Variants in PCDH7 observed in about 807,000 individuals in gnomAD.
PCDH7 encodes the protein protocadherin-7.
A neutral mutation model predicts 58.9 loss-of-function variants in PCDH7; 17 were observed. That is an observed-to-expected ratio of 0.29 (90% CI 0.20 to 0.43). The LOEUF is 0.43. Among genes scored for constraint, PCDH7 ranks in the 20% least tolerant of loss-of-function variants. The pLI is 1.00. For missense variants in PCDH7, 1,274 were observed against 1,441.0 expected (o/e 0.88, Z 1.88); for synonymous variants, 664 against 616.4 (o/e 1.08, Z -1.14).
At chr4:30,724,476 C>A in exon 1 of PCDH7, 1 of 1,614,116 alleles carries the variant, frequency 6.2e-7, no homozygotes, top group Non-Finnish European at 8.5e-7. Context: ...GAAAAAAACA[C>A]CAGGCCGTAC....
At chr4:31,081,569 A>C (rs1199112265) in intron 3 of PCDH7, among the ~76,000 whole-genome samples, 1 of 152,138 alleles carries the variant, frequency 6.6e-6, no homozygotes, top group Non-Finnish European at 1.5e-5. Context: ...TGTGTCTTTC[A>C]ATATTGCAAC....
At chr4:30,826,499 C>A (rs532977860) in intron 1 of PCDH7, among the ~76,000 whole-genome samples, 1 of 152,108 alleles carries the variant, frequency 6.6e-6, no homozygotes, top group East Asian at 1.9e-4. Context: ...AACTTATTCC[C>A]AGCATGCTCC....
At chr4:30,881,406 G>A (rs1037069822) in intron 1 of PCDH7, among the ~76,000 whole-genome samples, 2 of 152,008 alleles carry the variant, frequency 1.3e-5, no homozygotes, top group Non-Finnish European at 2.9e-5. Flanking sequence ...CTACAAGAAG[G>A]GAGGATGCTG....
At chr4:30,983,855 C>T (rs1386351105) in intron 3 of PCDH7, among the ~76,000 whole-genome samples, 1 of 152,136 alleles carries the variant, frequency 6.6e-6, no homozygotes, top group Admixed American at 6.5e-5. Flanking sequence ...CTAATAATAG[C>T]ATTGTAAGAG....
chr4:31,039,604 G>A (rs1390867412), intron 3 of PCDH7, among the ~76,000 whole-genome samples: 1 of 152,108 alleles, frequency 6.6e-6, no homozygotes, highest in Non-Finnish European at 1.5e-5. Context: ...ACAGTGCCCA[G>A]TCATAGCTCC....
chr4:30,793,006 T>A (rs1057203689), intron 1 of PCDH7, among the ~76,000 whole-genome samples: 1 of 152,220 alleles, frequency 6.6e-6, no homozygotes, highest in Non-Finnish European at 1.5e-5. Context: ...GTTAAAGTTA[T>A]GTAATTGATA....
At chr4:31,010,096 C>T (rs1033123128) in intron 3 of PCDH7, among the ~76,000 whole-genome samples, 3 of 151,920 alleles carry the variant, frequency 2.0e-5, no homozygotes, top group African/African-American at 4.8e-5. Context: ...ACTTGGAATA[C>T]TGTCCTTCTT....
intron 1 of PCDH7, among the ~76,000 whole-genome samples, chr4:30,882,477 T>C (rs1275267734): frequency 6.6e-6 from 1 of 152,070 alleles, no homozygotes; most frequent in East Asian, 1.9e-4. Context: ...CAGGCAGGTC[T>C]CCAGCTCCTG....
intron 1 of PCDH7, among the ~76,000 whole-genome samples, chr4:30,758,731 T>A (rs1404589559): frequency 6.6e-6 from 1 of 152,202 alleles, no homozygotes; most frequent in Non-Finnish European, 1.5e-5. Flanking sequence ...AGTATTGCAC[T>A]AAATTAACTA....
Position 30,723,087 on chromosome 4 carries a change from C to T in PCDH7, c.1665C>T (p.Ala555=). Residue 555 remains alanine (A), a synonymous_variant, in exon 1 of 2, where the codon GCC becomes GCT. Coordinates refer to ENST00000361762, the Ensembl canonical transcript of PCDH7. The surrounding 1 kb of genome is among the most constrained non-coding windows in gnomAD (Gnocchi z 4.6). The stretch of plus-strand genomic sequence containing the variant: ...ACAACATCCCGGGCGAGAGGGTGGC[C>T]ACGGTGCTGGCGACAGACGCAGACA... 1 of 1,613,872 alleles carries T rather than the reference C, an allele frequency of 6.2e-7. No homozygotes were observed. Among genetic ancestry groups the T allele is most frequent in the Non-Finnish European group, 8.5e-7 (1 of 1,180,030 alleles).
intron 3 of PCDH7, among the ~76,000 whole-genome samples, chr4:30,952,099 A>G (rs2109449124): frequency 6.6e-6 from 1 of 152,234 alleles, no homozygotes; most frequent in Non-Finnish European, 1.5e-5. Flanking sequence ...TTCATAGACT[A>G]CTCAATATAT....
intron 3 of PCDH7, among the ~76,000 whole-genome samples, chr4:30,979,404 A>C (rs1750362136): frequency 6.6e-6 from 1 of 152,170 alleles, no homozygotes; most frequent in Non-Finnish European, 1.5e-5. Flanking sequence ...TTGATAATTT[A>C]TTTAATCCTT....
At chr4:30,751,423 TTC>T in intron 1 of PCDH7, among the ~76,000 whole-genome samples, 1 of 152,304 alleles carries the variant, frequency 6.6e-6, no homozygotes, top group Non-Finnish European at 1.5e-5. Context: ...AAAAGAGTTC[TTC>T]TGTTTCCCAA....
intron 3 of PCDH7, among the ~76,000 whole-genome samples, chr4:30,983,782 A>T (rs1055942080): frequency 5.9e-5 from 9 of 152,220 alleles, no homozygotes; most frequent in Non-Finnish European, 1.5e-5. Context: ...CAAAGTCAGA[A>T]TAAGATCCTG....
chr4:31,014,399 A>C (rs2109157461), intron 3 of PCDH7, among the ~76,000 whole-genome samples: 1 of 152,286 alleles, frequency 6.6e-6, no homozygotes, highest in Non-Finnish European at 1.5e-5. Flanking sequence ...ATTCTATTAT[A>C]AGCAGTTTGC....
chr4:30,731,938 G>T (rs1715566934), exon 2 of PCDH7: 1 of 152,042 alleles, frequency 6.6e-6, no homozygotes, highest in African/African-American at 2.4e-5. Flanking sequence ...CACGCTGTCT[G>T]CCCTATTAAA....
chr4:30,862,209 A>G (rs1734295929), intron 1 of PCDH7, among the ~76,000 whole-genome samples: 1 of 152,182 alleles, frequency 6.6e-6, no homozygotes, highest in Non-Finnish European at 1.5e-5. Context: ...AATGATTAGA[A>G]TACAAACCAA....
intron 3 of PCDH7, among the ~76,000 whole-genome samples, chr4:31,121,022 G>A (rs1046025028): frequency 2.0e-5 from 3 of 152,066 alleles, no homozygotes. Context: ...TTACCTTTAG[G>A]TGGATAAATG....
intron 1 of PCDH7, among the ~76,000 whole-genome samples, chr4:30,763,714 T>C (rs1424678031): frequency 6.6e-6 from 1 of 152,214 alleles, no homozygotes; most frequent in African/African-American, 2.4e-5. Flanking sequence ...AGGGTCTCAA[T>C]ATCTTAAGCT....
Sources: gnomAD v4.1 joint callset for allele counts (sites outside exome capture counted in the v4.1 genomes callset) on GRCh38, gnomAD v4.1.1 for gene constraint, Gnocchi (gnomAD v3.1) non-coding constraint, MANE v1.5 for transcripts, NCBI Gene and HGNC (gene_info 2026-07-23, HGNC 2026-07-21) for gene names.